ADGRL3: variants seen among roughly 807,000 people sequenced by gnomAD.
The protein encoded by ADGRL3 is calcium-independent alpha-latrotoxin receptor 3.
Under a neutral mutation model 153.5 loss-of-function variants are expected in ADGRL3, and 62 were observed. The ratio of observed to expected loss-of-function variants is 0.40; its 90% CI spans 0.33 to 0.50. The LOEUF is 0.50. ADGRL3 is among the 20% of genes least tolerant of loss of function. ADGRL3 has a pLI of 0.47. For synonymous variants in ADGRL3, 710 were observed against 672.5 expected (o/e 1.06, Z -0.86); for missense variants, 1,641 against 1,859.4 (o/e 0.88, Z 2.16).
rs774740642 is a variant in ADGRL3 at position 61,935,000 on chromosome 4, T to C, written c.2273T>C (p.Val758Ala). 3 of 1,613,740 alleles carry C rather than the reference T, an allele frequency of 1.9e-6. No individual in the cohort carries two copies. Among genetic ancestry groups the C allele is most frequent in the Non-Finnish European group, 2.5e-6 (3 of 1,179,742 alleles). The change falls in exon 14 of 27, where the codon GTC (valine) becomes GCC (alanine). Residue 758 changes from valine (V) to alanine (A), a missense_variant. By Grantham distance (64) the Val-to-Ala change is moderately conservative. Transcript: ENST00000683033. The stretch of plus-strand genomic sequence containing the variant: ...GATAACCTTTTGAAGACTGACATTG[T>C]CAGGGAGAATACAGACAATATTAGT... ...LADNLLKTDI[V>A]RENTDNIKLE...
intron 5 of ADGRL3, among the ~76,000 whole-genome samples, chr4:61,610,933 C>A (rs1334162048): frequency 6.6e-6 from 1 of 151,752 alleles, no homozygotes; most frequent in African/African-American, 2.4e-5. Flanking sequence ...TTATCAAGAT[C>A]TTTTAATATT....
At chr4:61,968,043 C>T (rs1450605048) in intron 17 of ADGRL3, among the ~76,000 whole-genome samples, 8 of 152,166 alleles carry the variant, frequency 5.3e-5, no homozygotes, top group Non-Finnish European at 1.0e-4. Flanking sequence ...CAATATTAAT[C>T]CATTCATTAG....
intron 1 of ADGRL3, among the ~76,000 whole-genome samples, chr4:61,280,406 CT>C (rs2093675955): frequency 5.4e-5 from 2 of 37,172 alleles, no homozygotes; most frequent in East Asian, 1.8e-3. Flanking sequence ...TGCGCCTGGC[CT>C]TTATTTTCAA....
At chr4:61,646,166 T>A (rs2150295128) in intron 5 of ADGRL3, among the ~76,000 whole-genome samples, 1 of 152,166 alleles carries the variant, frequency 6.6e-6, no homozygotes, top group South Asian at 2.1e-4. Flanking sequence ...CTGTATTGGT[T>A]ATTCTAGTTA....
At chr4:61,690,648 A>C (rs991650631) in intron 6 of ADGRL3, among the ~76,000 whole-genome samples, 6 of 152,054 alleles carry the variant, frequency 3.9e-5, no homozygotes, top group African/African-American at 1.4e-4. Flanking sequence ...CAGAAGAGAG[A>C]TCATATTCAC....
intron 1 of ADGRL3, among the ~76,000 whole-genome samples, chr4:61,299,459 A>C (rs963127102): frequency 1.3e-5 from 2 of 152,160 alleles, no homozygotes; most frequent in Non-Finnish European, 2.9e-5. Flanking sequence ...ATGAGATGTA[A>C]ATGCTGACTC....
Position 61,881,010 on chromosome 4 carries a change from A to AT in ADGRL3, c.1481-11644dup, listed in dbSNP as rs1457765178. Among the ~76,000 whole-genome samples, 5 of 152,258 alleles carry AT rather than the reference A, an allele frequency of 3.3e-5. No homozygotes were observed. The East Asian group carries it at 9.7e-4, about 29-fold the overall frequency. ...TTGTTTTACTCAACCATGTATTCCC[A>AT]TTATAGCACCTAGTTGGATCCCCTG... is the stretch of plus-strand genomic sequence containing the variant. On this transcript the variant is annotated intron_variant, in intron 9 of 26. Coordinates refer to ENST00000683033, the MANE Select transcript of ADGRL3 (RefSeq NM_001387552.1).
intron 1 of ADGRL3, among the ~76,000 whole-genome samples, chr4:61,329,374 A>G (rs1029659098): frequency 3.3e-5 from 5 of 152,214 alleles, no homozygotes; most frequent in African/African-American, 9.6e-5. Context: ...TTCTTCCTGC[A>G]GAGATCAAAC....
At chr4:61,292,520 T>C (rs1219629561) in intron 1 of ADGRL3, among the ~76,000 whole-genome samples, 2 of 152,276 alleles carry the variant, frequency 1.3e-5, no homozygotes, top group East Asian at 3.9e-4. Flanking sequence ...ATGCCACGTG[T>C]GTATGTGTAA....
intron 7 of ADGRL3, among the ~76,000 whole-genome samples, chr4:61,731,035 G>C (rs181952418): frequency 7.2e-5 from 11 of 152,024 alleles, no homozygotes; most frequent in African/African-American, 2.6e-4. Context: ...ACCACCTAAA[G>C]TAAGTTACTT....
intron 1 of ADGRL3, among the ~76,000 whole-genome samples, chr4:61,367,502 C>A (rs1452682898): frequency 4.5e-3 from 596 of 132,998 alleles, no homozygotes; most frequent in South Asian, 9.2e-3. Flanking sequence ...GTTTTTTGTT[C>A]TTGGGATAGT....
intron 1 of ADGRL3, among the ~76,000 whole-genome samples, chr4:61,321,547 T>C (rs560168286): frequency 6.6e-6 from 1 of 151,468 alleles, no homozygotes; most frequent in East Asian, 1.9e-4. Flanking sequence ...ATTTCATCAT[T>C]GTGGAAACAT....
intron 1 of ADGRL3, among the ~76,000 whole-genome samples, chr4:61,340,287 T>C (rs1196228808): frequency 1.3e-5 from 2 of 152,218 alleles, no homozygotes; most frequent in Admixed American, 1.3e-4. Context: ...CAGTCCAAAA[T>C]ATCACGCTTC....
intron 6 of ADGRL3, among the ~76,000 whole-genome samples, chr4:61,694,179 A>ATTATTT (rs2095596147): frequency 3.7e-5 from 1 of 26,672 alleles, no homozygotes; most frequent in African/African-American, 1.5e-4. Flanking sequence ...TTTTGTCATT[A>ATTATTT]TTTTTTTTTT....
At chr4:61,897,939 C>A (rs1403058594) in intron 11 of ADGRL3, among the ~76,000 whole-genome samples, 1 of 152,028 alleles carries the variant, frequency 6.6e-6, no homozygotes, top group African/African-American at 2.4e-5. Context: ...CTGTAGGGTA[C>A]CAGATCAAAG....
At chr4:61,362,076 C>G (rs1205621726) in intron 1 of ADGRL3, among the ~76,000 whole-genome samples, 1 of 150,896 alleles carries the variant, frequency 6.6e-6, no homozygotes, top group Non-Finnish European at 1.5e-5. Flanking sequence ...AATCTCTACT[C>G]ACTGCAGCCT....
chr4:61,297,354 A>C (rs1475438977), intron 1 of ADGRL3, among the ~76,000 whole-genome samples: 1 of 152,130 alleles, frequency 6.6e-6, no homozygotes. Context: ...ATTAGTTTGC[A>C]TGTGCCTCAT....
At chr4:62,047,056 G>T (rs1479004805) in intron 25 of ADGRL3, among the ~76,000 whole-genome samples, 1 of 151,814 alleles carries the variant, frequency 6.6e-6, no homozygotes, top group Non-Finnish European at 1.5e-5. Context: ...TTATTCAAAA[G>T]ATTATATTCT....
In ADGRL3 at chr4:62,031,670, C is replaced by A. The variant is rs1722112636; in HGVS notation, c.3591+60C>A. On this transcript the variant is annotated intron_variant, in intron 23 of 26. Coordinates refer to ENST00000683033, the MANE Select transcript of ADGRL3 (RefSeq NM_001387552.1). ...CATACATTTCATGATAGCAAAGCAG[C>A]CACAACATATTCTAATATATTATTC... is the stretch of plus-strand genomic sequence containing the variant. 1.4e-5 allele frequency: 16 copies of A among 1,141,514 alleles called. No homozygotes were observed. In the South Asian group the frequency reaches 2.2e-4, roughly 16 times the overall value. 70.7% of individuals were successfully genotyped at this position (1,141,514 alleles called of 1,614,324 possible). A position where few individuals can be genotyped will look rare whatever the true frequency, so the allele number is the denominator to read the frequency against.
Sources: gnomAD v4.1 joint callset for allele counts (sites outside exome capture counted in the v4.1 genomes callset) on GRCh38, gnomAD v4.1.1 for gene constraint, MANE v1.5 for transcripts, NCBI Gene and HGNC (gene_info 2026-07-23, HGNC 2026-07-21) for gene names.